The following PTPRN2 variants were observed in gnomAD, a reference collection of about 807,000 sequenced individuals.
PTPRN2 encodes the protein receptor-type tyrosine-protein phosphatase N2.
In PTPRN2, 74 loss-of-function variants were observed where a neutral mutation model predicts 118.8. The observed-to-expected ratio is 0.62, with a 90% CI of 0.52 to 0.76. The LOEUF is 0.76. Among genes scored for constraint, PTPRN2 ranks in the 30% least tolerant of loss-of-function variants. The pLI, the probability that PTPRN2 is intolerant of heterozygous loss-of-function variation, is 0.00. For missense variants in PTPRN2, 1,481 were observed against 1,394.4 expected (o/e 1.06, Z -0.99); for synonymous variants, 641 against 608.0 (o/e 1.05, Z -0.80).
At chr7:158,367,475 G>A (rs1189440048) in intron 2 of PTPRN2, among the ~76,000 whole-genome samples, 1 of 152,228 alleles carries the variant, frequency 6.6e-6, no homozygotes, top group East Asian at 1.9e-4. Flanking sequence ...GTGGTTCACA[G>A]GATGGAGGCA....
intron 5 of PTPRN2, among the ~76,000 whole-genome samples, chr7:158,186,830 G>A (rs1825204893): frequency 6.6e-6 from 1 of 152,256 alleles, no homozygotes; most frequent in Non-Finnish European, 1.5e-5. Context: ...CAGCAAAACT[G>A]TAAAATCCTA....
At position 157,845,895 on chromosome 7, in the gene PTPRN2, G is replaced by T. The variant is rs1366306846; in HGVS notation, c.1788+52778C>A. Among the ~76,000 whole-genome samples the T allele has an allele frequency of 6.6e-6, 1 of 152,132 alleles. No homozygotes were observed. The highest frequency in any genetic ancestry group is 1.5e-5 in the Non-Finnish European group (1 of 68,018). On this transcript the variant is annotated intron_variant, in intron 12 of 22. Coordinates refer to ENST00000389418, the MANE Select transcript of PTPRN2 (RefSeq NM_002847.5). This position sits in a 1 kb window ranked among gnomAD's most constrained non-coding sequence, Gnocchi z 4.5. ...ACCCCAGGCAGATTAAAGCCTAAATGGGGGGAAAAAACCTGTAAATGTTTT... is the reference window on the plus strand; with the variant it reads ...ACCCCAGGCAGATTAAAGCCTAAATTGGGGGAAAAAACCTGTAAATGTTTT...
intron 13 of PTPRN2, among the ~76,000 whole-genome samples, chr7:157,677,275 T>C (rs1329906252): frequency 2.6e-5 from 4 of 152,218 alleles, no homozygotes; most frequent in African/African-American, 9.6e-5. Flanking sequence ...CTTTCCAATT[T>C]TTTTTTTATT....
rs182403639 is a variant in PTPRN2, at chr7:157,913,223, T to G, written c.1724-14486A>C. Among the ~76,000 whole-genome samples, 8 of 152,366 alleles carry G rather than the reference T, an allele frequency of 5.3e-5. No homozygotes were observed. In the East Asian group the frequency reaches 1.5e-3, roughly 29 times the overall value. ...TTAAACAGCATTTTCTAACTTTTTT[T>G]CCTAAATATACAAATACAGCTGACT... is the stretch of plus-strand genomic sequence containing the variant. On this transcript the variant is annotated intron_variant, in intron 11 of 22. Transcript: ENST00000389418.
intron 9 of PTPRN2, among the ~76,000 whole-genome samples, chr7:158,111,236 G>A (rs1816241862): frequency 6.6e-6 from 1 of 152,234 alleles, no homozygotes; most frequent in African/African-American, 2.4e-5. Context: ...GACTCTGACT[G>A]AGGATGGGGC....
At chr7:157,750,139 G>A (rs1282085799) in intron 12 of PTPRN2, among the ~76,000 whole-genome samples, 1 of 152,080 alleles carries the variant, frequency 6.6e-6, no homozygotes, top group Non-Finnish European at 1.5e-5. Context: ...ACGTGGTCCT[G>A]ATCCTTCTTC....
intron 2 of PTPRN2, among the ~76,000 whole-genome samples, chr7:158,342,145 GA>G: frequency 6.9e-6 from 1 of 145,096 alleles, no homozygotes; most frequent in South Asian, 2.2e-4. Flanking sequence ...GTCGCCCGCA[GA>G]GGTCACTCAC....
chr7:157,744,043 A>G (rs1800784770), intron 12 of PTPRN2, among the ~76,000 whole-genome samples: 1 of 152,232 alleles, frequency 6.6e-6, no homozygotes, highest in African/African-American at 2.4e-5. Flanking sequence ...GACGCAGCTT[A>G]GAAGAGCTAA....
At chr7:157,939,062 G>A (rs1014611478) in intron 11 of PTPRN2, among the ~76,000 whole-genome samples, 1 of 152,072 alleles carries the variant, frequency 6.6e-6, no homozygotes. Context: ...AGTAAAGCAT[G>A]CAGGTCCCCA....
Position 157,674,599 on chromosome 7 carries a change from CA to C in PTPRN2, c.2001+8125del. Reference sequence around the variant, plus strand: ...CTTTGCCATTTTTGACAGGCTAATGCATTTCACCACAGATAATGCCATTCAC... The same window carrying C: ...CTTTGCCATTTTTGACAGGCTAATGCTTTCACCACAGATAATGCCATTCAC... On this transcript the variant is annotated intron_variant, in intron 13 of 22. Transcript: ENST00000389418. This position sits in a 1 kb window ranked among gnomAD's most constrained non-coding sequence, Gnocchi z 4.5. 2.0e-5 allele frequency among the ~76,000 whole-genome samples: 3 copies of C among 152,242 alleles called. No individual in the cohort carries two copies. The highest frequency in any genetic ancestry group is 4.4e-5 in the Non-Finnish European group (3 of 68,034).
chr7:158,401,788 G>A (rs1812968011), intron 2 of PTPRN2, among the ~76,000 whole-genome samples: 1 of 152,324 alleles, frequency 6.6e-6, no homozygotes, highest in Admixed American at 6.5e-5. Context: ...GGGAGAAGCT[G>A]GGAAGACAGA....
intron 3 of PTPRN2, among the ~76,000 whole-genome samples, chr7:158,218,220 C>A (rs1432524783): frequency 6.6e-6 from 1 of 151,834 alleles, no homozygotes. Context: ...CAAAGAGAAC[C>A]CACCAGGCTG....
rs77770383 is a variant in PTPRN2, at chr7:157,609,762, A to T, written c.2345-5687T>A. 4.7e-3 allele frequency among the ~76,000 whole-genome samples: 711 copies of T among 152,352 alleles called. 6 individuals carry two copies. The highest frequency in any genetic ancestry group is 8.3e-3 in the Non-Finnish European group (566 of 68,036). On this transcript the variant is annotated intron_variant, in intron 15 of 22. Transcript: ENST00000389418. The surrounding 1 kb of genome is among the most constrained non-coding windows in gnomAD (Gnocchi z 4.9). ...GAGCAAGGCTGAGATGACGGTGGAC[A>T]CGCACCCAACTGCGCAGGTCAGCCA...
In PTPRN2 at chr7:157,663,722, A is replaced by G. The variant is rs74809479; in HGVS notation, c.2002-7171T>C. 0.01 allele frequency among the ~76,000 whole-genome samples: 1,588 copies of G among 152,310 alleles called. 59 individuals are homozygous for G. In the South Asian group the frequency reaches 0.11, roughly 10 times the overall value. On this transcript the variant is annotated intron_variant, in intron 13 of 22. Transcript: ENST00000389418. ...CAGGAAGGAGCCTGGATTCTGCCTC[A>G]TGGCTTGCTGGAGAAAGCACTGAGG... is the stretch of plus-strand genomic sequence containing the variant.
rs1796422631 is a variant in PTPRN2, at chr7:157,671,671, G to C, written c.2001+11054C>G. On this transcript the variant is annotated intron_variant, in intron 13 of 22. Transcript: ENST00000389418. The surrounding 1 kb of genome is among the most constrained non-coding windows in gnomAD (Gnocchi z 4.1). ...AAGGAAGGGCAGGGGCATGCGGGCT[G>C]GGGGCGGAGCGGCTACTGGAGCAGC... Among the ~76,000 whole-genome samples the C allele has an allele frequency of 1.3e-5, 2 of 152,170 alleles. No individual in the cohort carries two copies. Among genetic ancestry groups the C allele is most frequent in the East Asian group, 3.9e-4 (2 of 5,182 alleles).
chr7:158,445,503 C>A (rs922618625), intron 2 of PTPRN2, among the ~76,000 whole-genome samples: 1 of 152,326 alleles, frequency 6.6e-6, no homozygotes, highest in South Asian at 2.1e-4. Flanking sequence ...GGACCAGTGA[C>A]CCCGCGGCCT....
chr7:158,587,450 C>T, intron 1 of PTPRN2, 108 bp downstream of exon 1: 1 of 629,160 alleles, frequency 1.6e-6, no homozygotes, highest in Non-Finnish European at 2.0e-6. Flanking sequence ...CCCCCCGACC[C>T]CTCAGGGTGG....
Position 158,263,739 on chromosome 7 carries a change from G to A in PTPRN2, c.277+53080C>T, listed in dbSNP as rs1441643569. 2.0e-5 allele frequency among the ~76,000 whole-genome samples: 3 copies of A among 152,180 alleles called. No homozygotes were observed. In the East Asian group the frequency reaches 5.8e-4, roughly 29 times the overall value. ...ACCTCAACGGCCCTTTTCCCACCAG[G>A]GACCCCTCCAAAGCACCCGTGGCAC... On this transcript the variant is annotated intron_variant, in intron 3 of 22. Transcript: ENST00000389418.
At chr7:158,134,912 A>G (rs1346253158) in intron 8 of PTPRN2, among the ~76,000 whole-genome samples, 2 of 152,206 alleles carry the variant, frequency 1.3e-5, no homozygotes, top group Non-Finnish European at 2.9e-5. Flanking sequence ...AGATCACAAA[A>G]GTCGTGATTA....
Sources: allele counts gnomAD v4.1 joint callset (sites outside exome capture counted in the v4.1 genomes callset), GRCh38; gene constraint gnomAD v4.1.1; non-coding constraint Gnocchi (gnomAD v3.1); transcripts MANE v1.5; gene names NCBI Gene and HGNC (gene_info 2026-07-23, HGNC 2026-07-21).